The following PID1 variants were observed in gnomAD, a reference collection of about 807,000 sequenced individuals.
The protein encoded by PID1 is PTB-containing, cubilin and LRP1-interacting protein.
A neutral mutation model predicts 19.1 loss-of-function variants in PID1; 10 were observed. The observed-to-expected ratio is 0.52, with a 90% CI of 0.32 to 0.89. PID1 has a LOEUF of 0.89. Among genes scored for constraint, PID1 ranks in the 40% least tolerant of loss-of-function variants. The pLI, the probability that PID1 is intolerant of heterozygous loss-of-function variation, is 0.03. For synonymous variants in PID1, 130 were observed against 116.0 expected (o/e 1.12, Z -0.78); for missense variants, 248 against 285.3 (o/e 0.87, Z 0.94).
chr2:229,140,027 C>T (rs191199034), intron 2 of PID1, among the ~76,000 whole-genome samples: 3 of 152,202 alleles, frequency 2.0e-5, no homozygotes, highest in Admixed American at 2.0e-4. Flanking sequence ...GCTTGGCATG[C>T]TTTTCTGCAA....
chr2:229,113,820 G>A (rs1695352602), intron 2 of PID1, among the ~76,000 whole-genome samples: 1 of 151,994 alleles, frequency 6.6e-6, no homozygotes, highest in South Asian at 2.1e-4. Context: ...GTGCCAACCT[G>A]GCCAAGCCAC....
intron 1 of PID1, among the ~76,000 whole-genome samples, chr2:229,210,521 G>T (rs1158525557): frequency 1.2e-4 from 4 of 34,748 alleles, no homozygotes; most frequent in South Asian, 1.4e-3. Context: ...CTGGAGTTTT[G>T]TCTCAAAAAA....
At chr2:229,027,134 A>G (rs1193145618) in intron 2 of PID1, among the ~76,000 whole-genome samples, 1 of 152,240 alleles carries the variant, frequency 6.6e-6, no homozygotes, top group Admixed American at 6.5e-5. Context: ...GAGAGGGGAC[A>G]TTTGGTCAGA....
chr2:229,250,487 G>T (rs1352051143), intron 1 of PID1, among the ~76,000 whole-genome samples: 2 of 152,292 alleles, frequency 1.3e-5, no homozygotes, highest in East Asian at 1.9e-4. Context: ...AAGCACAAAG[G>T]TTCTACGGCA....
At chr2:229,212,275 T>C (rs557056122) in intron 1 of PID1, among the ~76,000 whole-genome samples, 1 of 152,362 alleles carries the variant, frequency 6.6e-6, no homozygotes. Context: ...GAGAAATTTA[T>C]AATTCCCTTT....
intron 1 of PID1, among the ~76,000 whole-genome samples, chr2:229,204,039 T>G (rs1048522129): frequency 1.3e-5 from 2 of 152,214 alleles, no homozygotes; most frequent in African/African-American, 4.8e-5. Flanking sequence ...AAATGAAATT[T>G]AATAGAGCTG....
At chr2:229,102,413 C>T (rs1695090697) in intron 2 of PID1, among the ~76,000 whole-genome samples, 1 of 152,008 alleles carries the variant, frequency 6.6e-6, no homozygotes, top group African/African-American at 2.4e-5. Context: ...ATAGAAGACT[C>T]ACTAGTTAGA....
At chr2:229,165,690 T>C (rs1690582995) in intron 1 of PID1, among the ~76,000 whole-genome samples, 1 of 152,140 alleles carries the variant, frequency 6.6e-6, no homozygotes, top group Admixed American at 6.5e-5. Context: ...CTGACAACAA[T>C]GTTATAATAA....
At chr2:229,226,337 G>C (rs1409695876) in intron 1 of PID1, among the ~76,000 whole-genome samples, 1 of 152,178 alleles carries the variant, frequency 6.6e-6, no homozygotes, top group Admixed American at 6.6e-5. Context: ...TAAAGGTACA[G>C]AATTTCCCAC....
At chr2:229,056,534 G>A (rs986446068) in intron 2 of PID1, among the ~76,000 whole-genome samples, 2 of 147,996 alleles carry the variant, frequency 1.4e-5, no homozygotes, top group African/African-American at 2.5e-5. Flanking sequence ...GCATAATGTA[G>A]TATAAATAAA....
intron 1 of PID1, among the ~76,000 whole-genome samples, chr2:229,187,411 G>A (rs1691155787): frequency 6.6e-6 from 1 of 152,170 alleles, no homozygotes; most frequent in Non-Finnish European, 1.5e-5. Context: ...GGCTGGGGAG[G>A]TCTCATAATC....
At chr2:229,206,507 A>G (rs1285378262) in intron 1 of PID1, among the ~76,000 whole-genome samples, 1 of 152,168 alleles carries the variant, frequency 6.6e-6, no homozygotes, top group Non-Finnish European at 1.5e-5. Flanking sequence ...TGAACAAGAA[A>G]CCTCTTCATG....
At chr2:229,054,880 C>G (rs2106187230) in intron 2 of PID1, among the ~76,000 whole-genome samples, 1 of 152,222 alleles carries the variant, frequency 6.6e-6, no homozygotes, top group African/African-American at 2.4e-5. Context: ...ATTACTAACT[C>G]TTGTTCATTT....
chr2:229,249,442 A>C, intron 1 of PID1, among the ~76,000 whole-genome samples: 1 of 152,194 alleles, frequency 6.6e-6, no homozygotes, highest in East Asian at 1.9e-4. Context: ...ATTATAAAAT[A>C]TCATTAGTTT....
chr2:229,162,199 C>G (rs1252237028), intron 1 of PID1, among the ~76,000 whole-genome samples: 2 of 152,206 alleles, frequency 1.3e-5, no homozygotes, highest in African/African-American at 2.4e-5. Flanking sequence ...AATAGAGCCT[C>G]TAAATCAAGC....
chr2:229,042,751 G>T (rs1402394491), intron 2 of PID1, among the ~76,000 whole-genome samples: 1 of 152,122 alleles, frequency 6.6e-6, no homozygotes, highest in Non-Finnish European at 1.5e-5. Flanking sequence ...AATTTTTAAT[G>T]ACTAGTCCCG....
intron 1 of PID1, among the ~76,000 whole-genome samples, chr2:229,160,749 T>C (rs868416364): frequency 5.9e-5 from 9 of 152,262 alleles, no homozygotes; most frequent in Middle Eastern, 3.4e-3. Context: ...GTACCTTCAA[T>C]GGCTTTGTCC....
intron 1 of PID1, among the ~76,000 whole-genome samples, chr2:229,199,997 T>G (rs1691462197): frequency 6.6e-6 from 1 of 151,870 alleles, no homozygotes; most frequent in South Asian, 2.1e-4. Flanking sequence ...CATCAAGACT[T>G]TCAGTAGGTC....
chr2:229,142,060 C>T (rs1315577475), intron 2 of PID1, among the ~76,000 whole-genome samples: 2 of 151,804 alleles, frequency 1.3e-5, no homozygotes, highest in African/African-American at 4.8e-5. Flanking sequence ...TTTTTATGAC[C>T]CCGTGTTATT....
Sources: gnomAD v4.1 joint callset for allele counts (sites outside exome capture counted in the v4.1 genomes callset) on GRCh38, gnomAD v4.1.1 for gene constraint, MANE v1.5 for transcripts, NCBI Gene and HGNC (gene_info 2026-07-23, HGNC 2026-07-21) for gene names.